Variants in PRKG1 observed in about 807,000 individuals in gnomAD.
The protein encoded by PRKG1 is cGMP-dependent protein kinase 1.
A neutral mutation model predicts 88.1 loss-of-function variants in PRKG1; 35 were observed. The ratio of observed to expected loss-of-function variants is 0.40; its 90% CI spans 0.30 to 0.53. PRKG1 has a LOEUF of 0.53. Among genes scored for constraint, PRKG1 ranks in the 20% least tolerant of loss-of-function variants. The pLI is 0.59. For missense variants in PRKG1, 540 were observed against 839.8 expected, an observed-to-expected ratio of 0.64 and a Z score of 4.41; for synonymous variants, 303 against 292.5, an observed-to-expected ratio of 1.04 and a Z score of -0.37.
At chr10:51,991,006 G>A (rs1029875056) in intron 5 of PRKG1, among the ~76,000 whole-genome samples, 5 of 151,902 alleles carry the variant, frequency 3.3e-5, no homozygotes, top group Non-Finnish European at 4.4e-5. Context: ...GCTACTTTTC[G>A]ATTTCTTTCC....
chr10:51,274,993 G>T (rs1470458561), intron 2 of PRKG1, among the ~76,000 whole-genome samples: 1 of 152,182 alleles, frequency 6.6e-6, no homozygotes, highest in Non-Finnish European at 1.5e-5. Flanking sequence ...CTCTTGCTTT[G>T]CTGCTATTGC....
At position 50,991,240 on chromosome 10, in the gene PRKG1, T is replaced by A. The variant is rs986598055; in HGVS notation, c.-139T>A. On this transcript the variant is annotated 5_prime_UTR_variant, in exon 1 of 18. Coordinates refer to the PRKG1 transcript ENST00000401604. The surrounding 1 kb of genome is among the most constrained non-coding windows in gnomAD (Gnocchi z 4.5). ...TCCCCGCGCCGCATTAGGGGCGCACTCCGCCGCGCTCGAGTACTTAGCGCC... is the reference window on the plus strand; with the variant it reads ...TCCCCGCGCCGCATTAGGGGCGCACACCGCCGCGCTCGAGTACTTAGCGCC... 8.9e-5 allele frequency: 115 copies of A among 1,293,240 alleles called. No individual in the cohort carries two copies. Among genetic ancestry groups the A allele is most frequent in the Non-Finnish European group, 1.1e-4 (110 of 974,882 alleles). The allele number at this position is 1,293,240 out of a possible 1,614,324, so 80.1% of individuals were successfully genotyped here.
intron 4 of PRKG1, among the ~76,000 whole-genome samples, chr10:51,837,932 A>G (rs1429199448): frequency 6.6e-6 from 1 of 152,158 alleles, no homozygotes; most frequent in Non-Finnish European, 1.5e-5. Flanking sequence ...CTATCATAGT[A>G]GAGAGAAAGT....
intron 1 of PRKG1, among the ~76,000 whole-genome samples, chr10:51,088,481 C>T (rs995235820): frequency 4.0e-5 from 6 of 149,080 alleles, no homozygotes; most frequent in East Asian, 4.0e-4. Flanking sequence ...GTCTTCTTCT[C>T]GCTCACATAG....
chr10:52,151,628 A>G (rs758324713), intron 8 of PRKG1, among the ~76,000 whole-genome samples: 2 of 152,198 alleles, frequency 1.3e-5, no homozygotes, highest in Non-Finnish European at 2.9e-5. Flanking sequence ...GAGAGTTGCT[A>G]ACACTTAAAA....
intron 2 of PRKG1, among the ~76,000 whole-genome samples, chr10:51,431,785 A>G (rs1838777523): frequency 6.6e-6 from 1 of 152,188 alleles, no homozygotes; most frequent in African/African-American, 2.4e-5. Flanking sequence ...TTTAAATGGC[A>G]TAAACTAGAA....
chr10:51,251,455 A>G (rs1839425358), intron 2 of PRKG1, among the ~76,000 whole-genome samples: 1 of 151,824 alleles, frequency 6.6e-6, no homozygotes, highest in Non-Finnish European at 1.5e-5. Flanking sequence ...TGTATCTGCC[A>G]GGCACTCAGC....
chr10:51,817,607 C>G (rs1180010674), intron 4 of PRKG1, among the ~76,000 whole-genome samples: 1 of 152,096 alleles, frequency 6.6e-6, no homozygotes, highest in African/African-American at 2.4e-5. Flanking sequence ...CACTGATGAG[C>G]ATTTGGGTTG....
chr10:51,551,091 A>G (rs1291837441), intron 3 of PRKG1, among the ~76,000 whole-genome samples: 1 of 151,914 alleles, frequency 6.6e-6, no homozygotes, highest in East Asian at 1.9e-4. Flanking sequence ...ATTTTTAAAT[A>G]TGTTCTGTGT....
rs183794881 is a variant in PRKG1 at position 51,067,739 on chromosome 10, T to A, written c.266+76095T>A. ...AGACAGACACTATTTTGTGCTAATA[T>A]CAAAAAAGTGTGAAATTTCCTATTG... On this transcript the variant is annotated intron_variant, in intron 1 of 17. Coordinates refer to the PRKG1 transcript ENST00000401604. Among the ~76,000 whole-genome samples the A allele has an allele frequency of 5.2e-4, 79 of 152,160 alleles. 2 individuals are homozygous for A. The East Asian group carries it at 0.011, about 22-fold the overall frequency.
intron 3 of PRKG1, among the ~76,000 whole-genome samples, chr10:51,597,992 T>A (rs1290491706): frequency 3.3e-5 from 5 of 152,152 alleles, no homozygotes; most frequent in Non-Finnish European, 7.3e-5. Context: ...CCTAAAACCT[T>A]AATAGCCACA....
chr10:51,329,422 A>G (rs1234183646), intron 2 of PRKG1, among the ~76,000 whole-genome samples: 3 of 152,184 alleles, frequency 2.0e-5, no homozygotes, highest in Non-Finnish European at 4.4e-5. Context: ...CCATTGGTCT[A>G]TGTGTCTGTT....
At chr10:51,214,163 C>T (rs1382995259) in intron 2 of PRKG1, among the ~76,000 whole-genome samples, 1 of 152,092 alleles carries the variant, frequency 6.6e-6, no homozygotes, top group Non-Finnish European at 1.5e-5. Context: ...TAAAGATATA[C>T]AATAGGTGAT....
At chr10:51,912,147 G>A (rs911223213) in intron 5 of PRKG1, among the ~76,000 whole-genome samples, 1 of 152,212 alleles carries the variant, frequency 6.6e-6, no homozygotes, top group Non-Finnish European at 1.5e-5. Flanking sequence ...TGTGCATCTG[G>A]TGGAAGGAAG....
intron 7 of PRKG1, among the ~76,000 whole-genome samples, chr10:52,124,047 A>G (rs1327700839): frequency 2.0e-5 from 3 of 152,196 alleles, no homozygotes; most frequent in East Asian, 1.9e-4. Flanking sequence ...TGAGATGGCT[A>G]CTAAGTGGCT....
rs544584868 is a variant in PRKG1, at chr10:51,918,080, T to C, written c.762+10510T>C. On this transcript the variant is annotated intron_variant, in intron 5 of 17. Transcript: ENST00000373980. ...GGCCATTTGTCTAATCCCATCTGAGTAATAACAATAGTACTATTCTTATTA... is the reference window on the plus strand; with the variant it reads ...GGCCATTTGTCTAATCCCATCTGAGCAATAACAATAGTACTATTCTTATTA... Among the ~76,000 whole-genome samples, 3 of 152,334 alleles carry C rather than the reference T, an allele frequency of 2.0e-5. No homozygotes were observed. In the East Asian group the frequency reaches 5.8e-4, roughly 29 times the overall value.
chr10:52,037,006 C>T (rs544033866), intron 5 of PRKG1, among the ~76,000 whole-genome samples: 48 of 152,032 alleles, frequency 3.2e-4, no homozygotes, highest in East Asian at 2.1e-3. Flanking sequence ...AGGGGGCTTC[C>T]GAGGCGATCA....
chr10:51,549,471 CAAT>C (rs1223711701), intron 3 of PRKG1, among the ~76,000 whole-genome samples: 26 of 151,926 alleles, frequency 1.7e-4, no homozygotes, highest in Non-Finnish European at 2.9e-4. Flanking sequence ...TCTTGTTTTA[CAAT>C]AATGACTTAG....
chr10:51,367,222 A>G (rs1842609678), intron 2 of PRKG1, among the ~76,000 whole-genome samples: 1 of 151,952 alleles, frequency 6.6e-6, no homozygotes, highest in African/African-American at 2.4e-5. Context: ...TGCTGCACGT[A>G]TCCAATTAGC....
Sources: allele counts gnomAD v4.1 joint callset (sites outside exome capture counted in the v4.1 genomes callset), GRCh38; gene constraint gnomAD v4.1.1; non-coding constraint Gnocchi (gnomAD v3.1); transcripts MANE v1.5; gene names NCBI Gene and HGNC (gene_info 2026-07-23, HGNC 2026-07-21).